ZMAT4: variants seen among roughly 807,000 people sequenced by gnomAD.
The protein encoded by ZMAT4 is zinc finger matrin-type protein 4.
A neutral mutation model predicts 28.7 loss-of-function variants in ZMAT4; 17 were observed. The observed-to-expected ratio is 0.59, with a 90% CI of 0.41 to 0.89. ZMAT4 has a LOEUF of 0.89. ZMAT4 is among the 40% of genes least tolerant of loss of function. The pLI is 0.00. For synonymous variants in ZMAT4, 117 were observed against 109.2 expected, an observed-to-expected ratio of 1.07 and a Z score of -0.44; for missense variants, 240 against 283.8, an observed-to-expected ratio of 0.85 and a Z score of 1.11.
At chr8:40,864,619 G>T (rs1244755244) in intron 1 of ZMAT4, among the ~76,000 whole-genome samples, 1 of 152,124 alleles carries the variant, frequency 6.6e-6, no homozygotes, top group Non-Finnish European at 1.5e-5. Flanking sequence ...ATGACCCCAG[G>T]TCATAAAGGT....
At chr8:40,823,195 G>A (rs1815894033) in intron 2 of ZMAT4, among the ~76,000 whole-genome samples, 1 of 151,820 alleles carries the variant, frequency 6.6e-6, no homozygotes, top group South Asian at 2.1e-4. Flanking sequence ...CAGCAATTAC[G>A]AAAGATCAAA....
chr8:40,659,096 G>T (rs1214130329), intron 5 of ZMAT4, among the ~76,000 whole-genome samples: 1 of 152,152 alleles, frequency 6.6e-6, no homozygotes, highest in Admixed American at 6.5e-5. Context: ...GTGACAATTA[G>T]AAACAACATA....
intron 5 of ZMAT4, among the ~76,000 whole-genome samples, chr8:40,599,491 T>C (rs1170612232): frequency 1.3e-5 from 2 of 152,180 alleles, no homozygotes; most frequent in Admixed American, 1.3e-4. Flanking sequence ...ATTGGAAAAC[T>C]TGACCAAAGA....
At chr8:40,605,477 A>G (rs182669008) in intron 5 of ZMAT4, among the ~76,000 whole-genome samples, 134 of 152,238 alleles carry the variant, frequency 8.8e-4, no homozygotes, top group Non-Finnish European at 1.4e-3. Context: ...ATTTTCATGT[A>G]TTTGTATGGT....
chr8:40,777,190 A>G (rs1813634542), intron 2 of ZMAT4, among the ~76,000 whole-genome samples: 1 of 152,228 alleles, frequency 6.6e-6, no homozygotes, highest in Non-Finnish European at 1.5e-5. Context: ...AAAACAAGAT[A>G]TTACAAAATA....
rs529136470 is a variant in ZMAT4 at position 40,632,222 on chromosome 8, A to G, written c.577+42482T>C. Among the ~76,000 whole-genome samples the G allele has an allele frequency of 1.2e-3, 185 of 152,346 alleles. 2 individuals are homozygous for G. The highest frequency in any genetic ancestry group is 4.2e-3 in the African/African-American group (176 of 41,580). On this transcript the variant is annotated intron_variant, in intron 5 of 6. Coordinates refer to ENST00000297737, the MANE Select transcript of ZMAT4 (RefSeq NM_024645.3). ...CTTGTTTTTAGATGCAAGGATTTCC[A>G]TAAAAACAAGGCCAGGCACATAGAA... is the stretch of plus-strand genomic sequence containing the variant.
rs764159403 is a variant in ZMAT4, at chr8:40,674,848, T to C, written c.433A>G (p.Arg145Gly). The C allele has an allele frequency of 6.2e-7, 1 of 1,613,928 alleles. No homozygotes were observed. The highest frequency in any genetic ancestry group is 8.5e-7 in the Non-Finnish European group (1 of 1,179,928). ...ASPYQRRDSD[R>G]YCGLCAAWFN... The stretch of plus-strand genomic sequence containing the variant: ...CAGGCTGCACAGAGCCCACAGTATC[T>C]GTCTGAATCTCTTCTTTGATAGGGA... Residue 145 changes from arginine to glycine, a missense_variant, in exon 5 of 7, where the codon AGA (arginine) becomes GGA (glycine). Physicochemically the swap from Arg to Gly is moderately radical, Grantham distance 125 (BLOSUM62 -2). Transcript: ENST00000297737.
At chr8:40,687,096 G>A (rs541893886) in intron 4 of ZMAT4, among the ~76,000 whole-genome samples, 26 of 152,278 alleles carry the variant, frequency 1.7e-4, no homozygotes, top group African/African-American at 6.3e-4. Flanking sequence ...TATCTACGAT[G>A]TTTTACAGAA....
At chr8:40,605,765 G>A (rs912300199) in intron 5 of ZMAT4, among the ~76,000 whole-genome samples, 1 of 152,008 alleles carries the variant, frequency 6.6e-6, no homozygotes, top group African/African-American at 2.4e-5. Context: ...GTGGAGTATT[G>A]AAATTTCCCA....
chr8:40,744,149 G>A (rs1006186343), intron 3 of ZMAT4, among the ~76,000 whole-genome samples: 1 of 152,170 alleles, frequency 6.6e-6, no homozygotes, highest in African/African-American at 2.4e-5. Context: ...TCCCCTCCGT[G>A]GGACCTTGGA....
chr8:40,684,908 A>G (rs1809333206), intron 4 of ZMAT4, among the ~76,000 whole-genome samples: 1 of 152,138 alleles, frequency 6.6e-6, no homozygotes, highest in African/African-American at 2.4e-5. Flanking sequence ...CCCTGAAAAA[A>G]GGGACCTCAT....
intron 1 of ZMAT4, among the ~76,000 whole-genome samples, chr8:40,865,002 C>T (rs966724236): frequency 1.3e-5 from 2 of 152,116 alleles, no homozygotes; most frequent in African/African-American, 4.8e-5. Flanking sequence ...TGACATTGCA[C>T]ACAGCCCAGA....
chr8:40,755,546 G>A (rs903233336), intron 3 of ZMAT4, among the ~76,000 whole-genome samples: 3 of 152,016 alleles, frequency 2.0e-5, no homozygotes, highest in East Asian at 1.9e-4. Context: ...TCCGCCTCCC[G>A]GGTTCAAGCA....
At chr8:40,656,480 A>C (rs1051715128) in intron 5 of ZMAT4, among the ~76,000 whole-genome samples, 1 of 152,162 alleles carries the variant, frequency 6.6e-6, no homozygotes, top group South Asian at 2.1e-4. Context: ...TATCCACACA[A>C]AAACTTTTCC....
At chr8:40,746,143 T>C (rs1171320918) in intron 3 of ZMAT4, among the ~76,000 whole-genome samples, 2 of 152,040 alleles carry the variant, frequency 1.3e-5, no homozygotes, top group Non-Finnish European at 2.9e-5. Context: ...AAATCTCTCC[T>C]CTGAGCTCCG....
intron 3 of ZMAT4, among the ~76,000 whole-genome samples, chr8:40,713,931 A>T (rs2150510485): frequency 6.6e-6 from 1 of 150,834 alleles, no homozygotes; most frequent in South Asian, 2.1e-4. Flanking sequence ...CAAAAAAAAA[A>T]AAAAAAAAGA....
chr8:40,825,732 T>C, intron 1 of ZMAT4, 52 bp from the exon 2 acceptor site: 1 of 1,412,222 alleles, frequency 7.1e-7, no homozygotes, highest in Non-Finnish European at 9.7e-7. Context: ...TTGATGTTTA[T>C]GCAAGATATT....
intron 1 of ZMAT4, among the ~76,000 whole-genome samples, chr8:40,842,518 C>T (rs1049350447): frequency 1.1e-4 from 16 of 152,118 alleles, no homozygotes; most frequent in Non-Finnish European, 2.4e-4. Context: ...AAGTCAAAGC[C>T]GATTGCAGGC....
At chr8:40,795,557 C>G (rs1814561819) in intron 2 of ZMAT4, among the ~76,000 whole-genome samples, 2 of 152,206 alleles carry the variant, frequency 1.3e-5, no homozygotes, top group African/African-American at 4.8e-5. Context: ...TCCCTGGGGG[C>G]TCCTTTTATG....
Sources: allele counts gnomAD v4.1 joint callset (sites outside exome capture counted in the v4.1 genomes callset), GRCh38; gene constraint gnomAD v4.1.1; transcripts MANE v1.5; gene names NCBI Gene and HGNC (gene_info 2026-07-23, HGNC 2026-07-21).